Variants in ZNF69 observed in about 807,000 individuals in gnomAD.
ZNF69 encodes the protein ZNF3.
In ZNF69, 47 loss-of-function variants were observed where a neutral mutation model predicts 50.9. The ratio of observed to expected loss-of-function variants is 0.92; its 90% CI spans 0.73 to 1.18. The LOEUF is 1.18. Among genes scored for constraint, ZNF69 ranks in the 50% most tolerant of loss-of-function variants. The pLI is 0.00. For synonymous variants in ZNF69, 216 were observed against 223.1 expected (o/e 0.97, Z 0.29); for missense variants, 717 against 675.1 (o/e 1.06, Z -0.69).
chr19:11,918,498 A>C (rs1972540389), downstream of ZNF69, among the ~76,000 whole-genome samples: 1 of 151,834 alleles, frequency 6.6e-6, no homozygotes, highest in African/African-American at 2.4e-5. Flanking sequence ...GTTTTCTTTT[A>C]TTTTAATTTG....
At chr19:11,960,979 T>C in the ZNF69 span, among the ~76,000 whole-genome samples, 167 of 152,244 alleles carry the variant, frequency 1.1e-3, 4 homozygotes, top group East Asian at 0.03. Flanking sequence ...TTTACTCTCC[T>C]CGAAATATAT....
chr19:11,889,708 A>T (rs1469883231), intron 1 of ZNF69, among the ~76,000 whole-genome samples: 1 of 152,228 alleles, frequency 6.6e-6, no homozygotes, highest in Non-Finnish European at 1.5e-5. Flanking sequence ...GAGACGAAGT[A>T]TAGGGAAAGA....
chr19:11,978,519 C>A, the ZNF69 span: 1 of 1,614,202 alleles, frequency 6.2e-7, no homozygotes, highest in Non-Finnish European at 8.5e-7. Flanking sequence ...TGGGGATGGA[C>A]CTTATAAATG....
At chr19:11,940,899 G>A in the ZNF69 span, among the ~76,000 whole-genome samples, 25,966 of 151,544 alleles carry the variant, frequency 0.17, 4,700 homozygotes, top group African/African-American at 0.46. Context: ...GAATAGCTAG[G>A]TACAGAGTGT....
the ZNF69 span, among the ~76,000 whole-genome samples, chr19:11,961,160 T>C: frequency 6.6e-6 from 1 of 152,282 alleles, no homozygotes; most frequent in African/African-American, 2.4e-5. Flanking sequence ...CACGGTCATA[T>C]TTGGACACGA....
chr19:11,943,929 G>A, the ZNF69 span, among the ~76,000 whole-genome samples: 1 of 152,090 alleles, frequency 6.6e-6, no homozygotes, highest in African/African-American at 2.4e-5. Context: ...CTTTGCAGGG[G>A]TTTTCCAGGT....
At chr19:11,960,601 GTTT>G in the ZNF69 span, among the ~76,000 whole-genome samples, 16,923 of 143,456 alleles carry the variant, frequency 0.12, 1,566 homozygotes, top group African/African-American at 0.26. Context: ...GCAATGAGCG[GTTT>G]TTTTTTTTTT....
At chr19:11,891,581 C>G (rs1367508643) in intron 1 of ZNF69, among the ~76,000 whole-genome samples, 1 of 152,104 alleles carries the variant, frequency 6.6e-6, no homozygotes, top group African/African-American at 2.4e-5. Context: ...CTGTGCCTAC[C>G]TGCATGGGGG....
chr19:11,949,442 C>G, the ZNF69 span: 2 of 1,612,704 alleles, frequency 1.2e-6, no homozygotes, highest in South Asian at 1.1e-5. Context: ...GGAGAGAAAC[C>G]CTATGAATGT....
chr19:11,950,387 A>G, the ZNF69 span: 7 of 939,522 alleles, frequency 7.5e-6, no homozygotes, highest in African/African-American at 8.3e-5. Context: ...GAGAAACCCT[A>G]TCAATGTAAG....
the ZNF69 span, among the ~76,000 whole-genome samples, chr19:11,951,846 G>T: frequency 6.6e-6 from 1 of 152,194 alleles, no homozygotes; most frequent in Non-Finnish European, 1.5e-5. Context: ...CGTCTCATAT[G>T]CCCGGTATGT....
the ZNF69 span, among the ~76,000 whole-genome samples, chr19:11,968,911 G>A: frequency 6.6e-6 from 1 of 152,224 alleles, no homozygotes; most frequent in Admixed American, 6.5e-5. Context: ...GGTCTTTCCT[G>A]TTTCCCTTCA....
chr19:11,939,107 T>C, the ZNF69 span, among the ~76,000 whole-genome samples: 3 of 152,226 alleles, frequency 2.0e-5, no homozygotes, highest in Non-Finnish European at 2.9e-5. Context: ...TTTAAGTTCT[T>C]TGTAGATTCT....
At chr19:11,954,467 C>A in the ZNF69 span, among the ~76,000 whole-genome samples, 140 of 152,318 alleles carry the variant, frequency 9.2e-4, no homozygotes, top group Non-Finnish European at 1.9e-3. Flanking sequence ...GTCCTCCCAG[C>A]TCAGCCTCCC....
chr19:11,979,089 C>T, the ZNF69 span: 2 of 1,614,044 alleles, frequency 1.2e-6, no homozygotes, highest in South Asian at 2.2e-5. Flanking sequence ...TAAGAATGCG[C>T]TCTGGAGAAA....
At chr19:11,909,091 G>T (rs1477522489), downstream of ZNF69, among the ~76,000 whole-genome samples, 2 of 152,004 alleles carry the variant, frequency 1.3e-5, no homozygotes, top group Admixed American at 6.6e-5. Context: ...ATAAATTCCT[G>T]GACACATACA....
At chr19:11,962,626 G>A in the ZNF69 span, among the ~76,000 whole-genome samples, 1 of 151,726 alleles carries the variant, frequency 6.6e-6, no homozygotes, top group Non-Finnish European at 1.5e-5. Context: ...GCCTCCCAAA[G>A]TGCTGAGATT....
At chr19:11,948,356 G>C in the ZNF69 span, 186 of 1,613,872 alleles carry the variant, frequency 1.2e-4, 1 homozygote, top group Non-Finnish European at 2.3e-5. Flanking sequence ...CCAGATGACA[G>C]ACTGAACTTC....
At chr19:11,924,106 G>A in the ZNF69 span, among the ~76,000 whole-genome samples, 1 of 152,148 alleles carries the variant, frequency 6.6e-6, no homozygotes, top group African/African-American at 2.4e-5. Context: ...GACATGCATG[G>A]GGTCGTTGGG....
Sources: gnomAD v4.1 joint callset for allele counts (sites outside exome capture counted in the v4.1 genomes callset) on GRCh38, gnomAD v4.1.1 for gene constraint, MANE v1.5 for transcripts, NCBI Gene and HGNC (gene_info 2026-07-23, HGNC 2026-07-21) for gene names.